The following WWOX variants were observed in gnomAD, a reference collection of about 807,000 sequenced individuals.
WWOX encodes the protein WW domain-containing oxidoreductase.
WWOX carries 69 observed loss-of-function variants against 46.2 expected under a neutral mutation model. The ratio of observed to expected loss-of-function variants is 1.49; its 90% CI spans 1.23 to 1.82. The LOEUF (loss-of-function observed/expected upper bound fraction) is 1.82. Among genes scored for constraint, WWOX ranks in the 40% most tolerant of loss-of-function variants. The pLI is 0.00. For synonymous variants in WWOX, 359 were observed against 202.6 expected (o/e 1.77, Z -6.56); for missense variants, 919 against 542.6 (o/e 1.69, Z -6.89).
chr16:78,210,133 A>G (rs1184399492), intron 5 of WWOX, among the ~76,000 whole-genome samples: 1 of 152,236 alleles, frequency 6.6e-6, no homozygotes, highest in African/African-American at 2.4e-5. Flanking sequence ...ATGTTATGAC[A>G]GAAATCATTA....
chr16:78,869,909 G>C (rs1597085521), intron 8 of WWOX, among the ~76,000 whole-genome samples: 1 of 152,308 alleles, frequency 6.6e-6, no homozygotes, highest in African/African-American at 2.4e-5. Context: ...CACATTTGGA[G>C]AACATGGGAT....
chr16:78,951,576 G>C (rs1016854027), intron 8 of WWOX, among the ~76,000 whole-genome samples: 1 of 152,170 alleles, frequency 6.6e-6, no homozygotes, highest in Non-Finnish European at 1.5e-5. Context: ...AAAAACAACA[G>C]GGCTTCATCA....
At chr16:78,399,243 C>A (rs2151942812) in intron 6 of WWOX, among the ~76,000 whole-genome samples, 1 of 152,308 alleles carries the variant, frequency 6.6e-6, no homozygotes, top group Non-Finnish European at 1.5e-5. Flanking sequence ...GTGAACTGAA[C>A]TTCTAAGGTG....
At chr16:78,114,002 G>C (rs956886676) in intron 3 of WWOX, among the ~76,000 whole-genome samples, 1 of 151,162 alleles carries the variant, frequency 6.6e-6, no homozygotes, top group Admixed American at 6.6e-5. Flanking sequence ...AAGATATTCT[G>C]AGGTCTTTAT....
At chr16:78,422,252 G>C (rs1434905165) in intron 6 of WWOX, among the ~76,000 whole-genome samples, 1 of 152,082 alleles carries the variant, frequency 6.6e-6, no homozygotes, top group Non-Finnish European at 1.5e-5. Context: ...GTTTTAGAGA[G>C]CAGAAGATTT....
chr16:78,645,579 T>C (rs151090921), intron 8 of WWOX, among the ~76,000 whole-genome samples: 10 of 152,222 alleles, frequency 6.6e-5, no homozygotes, highest in African/African-American at 2.2e-4. Context: ...GGAGCCAGCA[T>C]GTTCAGAGAA....
chr16:78,110,520 A>G (rs373324472), intron 3 of WWOX, among the ~76,000 whole-genome samples: 1 of 152,130 alleles, frequency 6.6e-6, no homozygotes, highest in Non-Finnish European at 1.5e-5. Flanking sequence ...CAAATTGCCT[A>G]TTGGACATTA....
intron 5 of WWOX, among the ~76,000 whole-genome samples, chr16:78,384,875 C>T (rs2082027836): frequency 6.6e-6 from 1 of 152,148 alleles, no homozygotes; most frequent in Non-Finnish European, 1.5e-5. Context: ...GTGGCTCACG[C>T]CTGTAATCCT....
chr16:78,837,115 G>A (rs1382082076), intron 8 of WWOX, among the ~76,000 whole-genome samples: 1 of 152,082 alleles, frequency 6.6e-6, no homozygotes, highest in Admixed American at 6.5e-5. Context: ...AGAAGAAGAA[G>A]GAGAAAAAGA....
intron 8 of WWOX, among the ~76,000 whole-genome samples, chr16:78,970,684 A>G (rs1204730559): frequency 6.6e-6 from 1 of 152,220 alleles, no homozygotes; most frequent in Non-Finnish European, 1.5e-5. Flanking sequence ...ATTTGAGGCC[A>G]TAATTTAAAA....
At chr16:78,521,158 A>G (rs1286231895) in intron 8 of WWOX, among the ~76,000 whole-genome samples, 3 of 152,166 alleles carry the variant, frequency 2.0e-5, no homozygotes, top group South Asian at 2.1e-4. Flanking sequence ...TCTTCATTCC[A>G]GTGGCTTTTG....
At chr16:78,671,247 A>G (rs963356939) in intron 8 of WWOX, among the ~76,000 whole-genome samples, 1 of 151,952 alleles carries the variant, frequency 6.6e-6, no homozygotes, top group African/African-American at 2.4e-5. Flanking sequence ...ACAAGGCGAG[A>G]CCCCGTCTCT....
At chr16:78,424,645 A>T (rs568137913) in intron 6 of WWOX, among the ~76,000 whole-genome samples, 1 of 152,260 alleles carries the variant, frequency 6.6e-6, no homozygotes, top group Admixed American at 6.5e-5. Context: ...CATCCTCAGC[A>T]ACGGAGGACA....
intron 5 of WWOX, among the ~76,000 whole-genome samples, chr16:78,298,824 A>C (rs9922494): frequency 0.14 from 21,084 of 151,560 alleles, 1,625 homozygotes; most frequent in East Asian, 0.26. Flanking sequence ...GTCCTTCTAG[A>C]TTGTGAGGAT....
At chr16:78,403,487 A>T (rs1278550476) in intron 6 of WWOX, among the ~76,000 whole-genome samples, 1 of 152,198 alleles carries the variant, frequency 6.6e-6, no homozygotes, top group Non-Finnish European at 1.5e-5. Context: ...CCTACGAAAT[A>T]TAATGTTAAT....
chr16:78,752,561 A>G (rs150146850), intron 8 of WWOX, among the ~76,000 whole-genome samples: 1 of 152,306 alleles, frequency 6.6e-6, no homozygotes, highest in Non-Finnish European at 1.5e-5. Context: ...GTGAGCCACC[A>G]TGCCTGGCCA....
chr16:79,133,153 A>T (rs546904756), intron 8 of WWOX, among the ~76,000 whole-genome samples: 23 of 152,262 alleles, frequency 1.5e-4, no homozygotes, highest in Middle Eastern at 3.4e-3. Flanking sequence ...GCCCGAGTTT[A>T]TTTTCTTTTT....
chr16:78,460,077 G>C (rs1387627061), intron 8 of WWOX, among the ~76,000 whole-genome samples: 1 of 151,998 alleles, frequency 6.6e-6, no homozygotes, highest in African/African-American at 2.4e-5. Flanking sequence ...AAAGTGCTGG[G>C]ATTACAGGCA....
chr16:78,891,210 T>A (rs910907841), intron 8 of WWOX: 1 of 152,198 alleles, frequency 6.6e-6, no homozygotes, highest in Non-Finnish European at 1.5e-5. Flanking sequence ...TTTGTCTCAG[T>A]CCCATCTGAT....
Sources: allele counts gnomAD v4.1 joint callset (sites outside exome capture counted in the v4.1 genomes callset), GRCh38; gene constraint gnomAD v4.1.1; transcripts MANE v1.5; gene names NCBI Gene and HGNC (gene_info 2026-07-23, HGNC 2026-07-21).